RANBP2: variants seen among roughly 807,000 people sequenced by gnomAD.
RANBP2 encodes RAN binding protein 2, also known as E3 SUMO-protein ligase RanBP2.
A neutral mutation model predicts 303.6 loss-of-function variants in RANBP2; 57 were observed. The observed-to-expected ratio is 0.19, with a 90% CI of 0.15 to 0.23. RANBP2 has a LOEUF of 0.23. Among genes scored for constraint, RANBP2 ranks in the 10% least tolerant of loss-of-function variants. The pLI is 1.00. For synonymous variants in RANBP2, 1,167 were observed against 1,301.5 expected (o/e 0.90, Z 2.23); for missense variants, 3,138 against 3,780.8 (o/e 0.83, Z 4.46).
chr2:109,022,346 A>T, the RANBP2 span, among the ~76,000 whole-genome samples: 1 of 152,176 alleles, frequency 6.6e-6, no homozygotes, highest in African/African-American at 2.4e-5. Flanking sequence ...CCCCAGGGGG[A>T]GCAGTGTTAC....
the RANBP2 span, among the ~76,000 whole-genome samples, chr2:109,109,992 C>T: frequency 6.6e-6 from 1 of 152,088 alleles, no homozygotes; most frequent in African/African-American, 2.4e-5. Context: ...AAATAGGAGA[C>T]AATCACTTCT....
chr2:109,294,718 C>T, the RANBP2 span, among the ~76,000 whole-genome samples: 2 of 152,120 alleles, frequency 1.3e-5, no homozygotes, highest in African/African-American at 4.8e-5. Flanking sequence ...ACAGACACAG[C>T]CCTACAGGGG....
At chr2:109,359,175 A>G in the RANBP2 span, among the ~76,000 whole-genome samples, 2 of 152,032 alleles carry the variant, frequency 1.3e-5, no homozygotes, top group Non-Finnish European at 2.9e-5. Flanking sequence ...TGTCTTCATT[A>G]TTGTAACTTT....
rs1676186906 is a variant in RANBP2, at chr2:108,754,991, T to C, written c.2289T>C (p.Tyr763=). The C allele has an allele frequency of 3.7e-6, 6 of 1,611,762 alleles. No homozygotes were observed. Among genetic ancestry groups the C allele is most frequent in the Non-Finnish European group, 4.2e-6 (5 of 1,179,828 alleles). ...LEDYSEGGPL[Y]KNGSLRNADS... ...ACTATAGTGAAGGAGGTCCTCTCTATAAAAATGGTTCTTTGCGAAATGCAG... is the reference window on the plus strand; with the variant it reads ...ACTATAGTGAAGGAGGTCCTCTCTACAAAAATGGTTCTTTGCGAAATGCAG... The change falls in exon 16 of 29, where the codon TAT becomes TAC. Residue 763 remains tyrosine, a synonymous_variant. Transcript: ENST00000283195.
At chr2:109,129,684 G>A in the RANBP2 span, 1 of 1,525,306 alleles carries the variant, frequency 6.6e-7, no homozygotes, top group South Asian at 1.2e-5. Context: ...ACATGGACGA[G>A]TCGTCGCTGC....
chr2:108,804,097 ATC>A, the RANBP2 span, among the ~76,000 whole-genome samples: 1 of 152,000 alleles, frequency 6.6e-6, no homozygotes, highest in Non-Finnish European at 1.5e-5. Flanking sequence ...AGATTTGTGT[ATC>A]TATTTTTATT....
chr2:109,279,509 C>T, the RANBP2 span, among the ~76,000 whole-genome samples: 1 of 152,148 alleles, frequency 6.6e-6, no homozygotes, highest in Non-Finnish European at 1.5e-5. Flanking sequence ...CTGGGGAAGT[C>T]GCCACCGCCC....
the RANBP2 span, among the ~76,000 whole-genome samples, chr2:108,819,084 CA>C: frequency 6.6e-6 from 1 of 152,150 alleles, no homozygotes; most frequent in Non-Finnish European, 1.5e-5. Context: ...ACGTCATCAA[CA>C]TGTTGGAGTA....
the RANBP2 span, among the ~76,000 whole-genome samples, chr2:108,941,080 A>ATCTTCATATACATGGAATCGG: frequency 6.6e-6 from 1 of 152,180 alleles, no homozygotes; most frequent in East Asian, 1.9e-4. Context: ...TGCCTGTTCT[A>ATCTTCATATACATGGAATCGG]GATCTTCATA....
At chr2:109,018,530 C>G in the RANBP2 span, among the ~76,000 whole-genome samples, 1 of 152,240 alleles carries the variant, frequency 6.6e-6, no homozygotes, top group Non-Finnish European at 1.5e-5. Context: ...GTACCAAAGT[C>G]TTCCCTCTGC....
At chr2:109,572,133 T>C in the RANBP2 span, among the ~76,000 whole-genome samples, 1 of 151,156 alleles carries the variant, frequency 6.6e-6, no homozygotes, top group African/African-American at 2.4e-5. Context: ...TCCCCACCTC[T>C]TTTTTTTTGT....
At chr2:108,941,659 G>A in the RANBP2 span, among the ~76,000 whole-genome samples, 1 of 152,318 alleles carries the variant, frequency 6.6e-6, no homozygotes, top group East Asian at 1.9e-4. Context: ...TTCTCAACAA[G>A]TCACTTCCAA....
Position 108,763,665 on chromosome 2 carries a change from T to C in RANBP2, c.3126T>C (p.Gly1042=), listed in dbSNP as rs956480. The C allele has an allele frequency of 3.1e-6, 5 of 1,614,130 alleles. No homozygotes were observed. Among genetic ancestry groups the C allele is most frequent in the Non-Finnish European group, 4.2e-6 (5 of 1,179,992 alleles). The change falls in exon 20 of 29, where the codon GGT becomes GGC. Residue 1042 remains glycine, a synonymous_variant. Transcript: ENST00000283195. ...ACTCAAATTTCAAATCAAATGATGG[T>C]GACTTCACGTTTTCCTCACCACAGG... ...KFNSNFKSND[G]DFTFSSPQVV...
the RANBP2 span, among the ~76,000 whole-genome samples, chr2:109,251,947 C>G: frequency 6.6e-6 from 1 of 152,048 alleles, no homozygotes; most frequent in African/African-American, 2.4e-5. Context: ...CCAAATAAAA[C>G]AAGATAAAAC....
At chr2:109,115,981 A>C in the RANBP2 span, among the ~76,000 whole-genome samples, 1 of 152,222 alleles carries the variant, frequency 6.6e-6, no homozygotes, top group Non-Finnish European at 1.5e-5. Context: ...TGGCTTGTAG[A>C]GTTTCTGCTG....
the RANBP2 span, among the ~76,000 whole-genome samples, chr2:109,364,793 A>G: frequency 6.6e-6 from 1 of 152,166 alleles, no homozygotes; most frequent in Non-Finnish European, 1.5e-5. Context: ...TAAGGCTCTC[A>G]TAAAACCCCA....
intron 8 of RANBP2, among the ~76,000 whole-genome samples, chr2:108,747,448 TA>T (rs1696601315): frequency 6.6e-6 from 1 of 152,254 alleles, no homozygotes; most frequent in Admixed American, 6.5e-5. Context: ...GATGTAATAT[TA>T]AATCAAAGTT....
chr2:108,986,791 T>C, the RANBP2 span, among the ~76,000 whole-genome samples: 2 of 152,202 alleles, frequency 1.3e-5, no homozygotes, highest in Admixed American at 6.5e-5. Context: ...TTAAAAAAAA[T>C]TCCTTCCTGC....
the RANBP2 span, among the ~76,000 whole-genome samples, chr2:109,505,910 G>A: frequency 1.9e-4 from 29 of 152,316 alleles, no homozygotes; most frequent in African/African-American, 7.0e-4. Context: ...GTCTGGAGAG[G>A]GTGCCTGGCA....
Sources: allele counts gnomAD v4.1 joint callset (sites outside exome capture counted in the v4.1 genomes callset), GRCh38; gene constraint gnomAD v4.1.1; transcripts MANE v1.5; gene names NCBI Gene and HGNC (gene_info 2026-07-23, HGNC 2026-07-21).